Variants in SLC35F1 observed in about 807,000 individuals in gnomAD.
SLC35F1 encodes solute carrier family 35 member F1.
A neutral mutation model predicts 48.7 loss-of-function variants in SLC35F1; 14 were observed. The observed-to-expected ratio is 0.29, with a 90% CI of 0.19 to 0.45. The LOEUF (loss-of-function observed/expected upper bound fraction) is 0.45. Ranked by LOEUF, SLC35F1 falls within the 20% of genes least tolerant of loss-of-function variation. The pLI, the probability that SLC35F1 is intolerant of heterozygous loss-of-function variation, is 1.00. For missense variants in SLC35F1, 404 were observed against 500.0 expected, an observed-to-expected ratio of 0.81 and a Z score of 1.83; for synonymous variants, 190 against 202.2, an observed-to-expected ratio of 0.94 and a Z score of 0.51.
chr6:117,915,178 T>G (rs1307150003), intron 1 of SLC35F1, among the ~76,000 whole-genome samples: 1 of 152,236 alleles, frequency 6.6e-6, no homozygotes, highest in Non-Finnish European at 1.5e-5. Context: ...TTATATATAA[T>G]TTGATACAAC....
At chr6:118,240,414 G>A (rs1432340543) in intron 3 of SLC35F1, among the ~76,000 whole-genome samples, 2 of 152,180 alleles carry the variant, frequency 1.3e-5, no homozygotes, top group African/African-American at 2.4e-5. Context: ...AAAACTCAAG[G>A]AATATGATTG....
intron 7 of SLC35F1, among the ~76,000 whole-genome samples, chr6:118,300,449 T>G (rs1776242885): frequency 6.6e-6 from 1 of 152,196 alleles, no homozygotes; most frequent in Non-Finnish European, 1.5e-5. Flanking sequence ...ATTGCAGAAC[T>G]TATGTATTGC....
At chr6:117,973,184 T>G (rs1322596440) in intron 1 of SLC35F1, among the ~76,000 whole-genome samples, 1 of 152,206 alleles carries the variant, frequency 6.6e-6, no homozygotes, top group Non-Finnish European at 1.5e-5. Flanking sequence ...TTGCTGTGCT[T>G]TCACATGGCT....
rs1179541558 is a variant in SLC35F1, at chr6:117,911,318, T to C, written c.173+3419T>C. Among the ~76,000 whole-genome samples, 3 of 152,112 alleles carry C rather than the reference T, an allele frequency of 2.0e-5. No individual in the cohort carries two copies. The East Asian group carries it at 5.8e-4, about 29-fold the overall frequency. On this transcript the variant is annotated intron_variant, in intron 1 of 7. Transcript: ENST00000360388. ...TTACTACTCCTTTAATATTCAAAAT[T>C]GTGAACCAATCAATATATTGATTCA...
intron 1 of SLC35F1, among the ~76,000 whole-genome samples, chr6:117,995,384 C>T (rs1776971381): frequency 6.6e-6 from 1 of 152,160 alleles, no homozygotes; most frequent in Admixed American, 6.6e-5. Flanking sequence ...GTCTTGTATA[C>T]CTGACACCTA....
At chr6:118,106,191 T>C (rs1190565479) in intron 1 of SLC35F1, among the ~76,000 whole-genome samples, 1 of 152,144 alleles carries the variant, frequency 6.6e-6, no homozygotes, top group East Asian at 1.9e-4. Context: ...CACACCCTCC[T>C]CATAACTAAT....
At chr6:118,231,250 G>A (rs940351193) in intron 2 of SLC35F1, among the ~76,000 whole-genome samples, 8 of 152,058 alleles carry the variant, frequency 5.3e-5, no homozygotes, top group African/African-American at 1.7e-4. Context: ...GCATTTAATT[G>A]CCAAACTGTA....
intron 3 of SLC35F1, among the ~76,000 whole-genome samples, chr6:118,257,552 G>A (rs910190731): frequency 1.3e-5 from 2 of 152,126 alleles, no homozygotes; most frequent in African/African-American, 4.8e-5. Flanking sequence ...GAACCATGTA[G>A]AATACAACCA....
At chr6:118,073,513 A>C (rs1582651264) in intron 1 of SLC35F1, among the ~76,000 whole-genome samples, 1 of 152,226 alleles carries the variant, frequency 6.6e-6, no homozygotes, top group South Asian at 2.1e-4. Context: ...ATTAGTTATT[A>C]TTAAAGTAGC....
intron 1 of SLC35F1, among the ~76,000 whole-genome samples, chr6:118,010,051 A>G (rs1481674856): frequency 1.3e-5 from 2 of 152,216 alleles, no homozygotes; most frequent in African/African-American, 2.4e-5. Context: ...ATTGTTATTT[A>G]GGATTCTTTT....
intron 1 of SLC35F1, among the ~76,000 whole-genome samples, chr6:118,012,090 G>T (rs1777256493): frequency 6.6e-6 from 1 of 151,816 alleles, no homozygotes; most frequent in African/African-American, 2.4e-5. Context: ...AAACCTGGAA[G>T]GAAAGGATTA....
At chr6:118,034,532 T>C (rs1053512526) in intron 1 of SLC35F1, among the ~76,000 whole-genome samples, 2 of 152,126 alleles carry the variant, frequency 1.3e-5, no homozygotes, top group African/African-American at 4.8e-5. Flanking sequence ...CACTCCAGCC[T>C]GGGTGACAGA....
At chr6:117,998,070 A>T (rs1777023525) in intron 1 of SLC35F1, among the ~76,000 whole-genome samples, 1 of 148,100 alleles carries the variant, frequency 6.8e-6, no homozygotes, top group Non-Finnish European at 1.5e-5. Context: ...AAATAAAAGG[A>T]TGGAGGAAGA....
intron 1 of SLC35F1, among the ~76,000 whole-genome samples, chr6:117,984,110 C>G (rs1015638913): frequency 6.6e-6 from 1 of 152,114 alleles, no homozygotes; most frequent in Non-Finnish European, 1.5e-5. Context: ...AGTAACACAA[C>G]TATCAAATAT....
chr6:117,986,831 C>G (rs1207142871), intron 1 of SLC35F1, among the ~76,000 whole-genome samples: 1 of 152,220 alleles, frequency 6.6e-6, no homozygotes, highest in East Asian at 1.9e-4. Context: ...CTCGACATCA[C>G]TGGCAGCTCC....
chr6:118,189,967 C>T (rs1272447372), intron 2 of SLC35F1, among the ~76,000 whole-genome samples: 2 of 152,174 alleles, frequency 1.3e-5, no homozygotes, highest in Admixed American at 6.5e-5. Context: ...TTGTTATAGG[C>T]ACATACTGCT....
In SLC35F1 at chr6:117,961,682, G is replaced by A. The variant is rs188023396; in HGVS notation, c.173+53783G>A. 7.1e-4 allele frequency among the ~76,000 whole-genome samples: 108 copies of A among 152,132 alleles called. No individual in the cohort carries two copies. In the Middle Eastern group the frequency reaches 0.01, roughly 14 times the overall value. ...GTTTCTTTAATCTAGCTATTAGTCCGTTCTGAAGTCTCACATTAGATATAC... is the reference window on the plus strand; with the variant it reads ...GTTTCTTTAATCTAGCTATTAGTCCATTCTGAAGTCTCACATTAGATATAC... On this transcript the variant is annotated intron_variant, in intron 1 of 7. Coordinates refer to ENST00000360388, the MANE Select transcript of SLC35F1 (RefSeq NM_001029858.4).
intron 1 of SLC35F1, among the ~76,000 whole-genome samples, chr6:117,995,678 T>G (rs1052327462): frequency 2.6e-5 from 4 of 151,986 alleles, no homozygotes; most frequent in Non-Finnish European, 5.9e-5. Flanking sequence ...GAGCTGGAAG[T>G]TGCAGTGAGC....
At chr6:118,247,103 A>T (rs1179112546) in intron 3 of SLC35F1, among the ~76,000 whole-genome samples, 2 of 152,244 alleles carry the variant, frequency 1.3e-5, no homozygotes, top group African/African-American at 4.8e-5. Flanking sequence ...AGGAAAATAC[A>T]TAAAGAAGAT....
Sources: gnomAD v4.1 joint callset for allele counts (sites outside exome capture counted in the v4.1 genomes callset) on GRCh38, gnomAD v4.1.1 for gene constraint, MANE v1.5 for transcripts, NCBI Gene and HGNC (gene_info 2026-07-23, HGNC 2026-07-21) for gene names.